WDR41: variants seen among roughly 807,000 people sequenced by gnomAD.
WDR41 encodes the protein WD repeat-containing protein 41.
Under a neutral mutation model 69.3 loss-of-function variants are expected in WDR41, and 63 were observed. That is an observed-to-expected ratio of 0.91 (90% CI 0.74 to 1.12). The LOEUF is 1.12. Ranked by LOEUF, WDR41 falls within the 50% of genes most tolerant of loss-of-function variation. The probability of loss-of-function intolerance (pLI) is 0.00; values close to 1 mark genes in which losing one functional copy is unlikely to be tolerated. For missense variants in WDR41, 543 were observed against 534.5 expected, an observed-to-expected ratio of 1.02 and a Z score of -0.16; for synonymous variants, 185 against 192.1, an observed-to-expected ratio of 0.96 and a Z score of 0.31.
In WDR41 at chr5:77,555,086, C is replaced by CAAA. The variant is rs112922794; in HGVS notation, c.42+65390_42+65392dup. On this transcript the variant is annotated intron_variant, in intron 1 of 5. Transcript: ENST00000509971. Reference sequence around the variant, plus strand: ...TGGGTGAGACAACAAGACCCTGTTTCAAAAAAAAAAAAAAATACAAGTATA... The same window carrying CAAA: ...TGGGTGAGACAACAAGACCCTGTTTCAAAAAAAAAAAAAAAAAATACAAGTATA... Among the ~76,000 whole-genome samples the CAAA allele has an allele frequency of 1.9e-3, 213 of 111,494 alleles. 3 individuals carry two copies. The highest frequency in any genetic ancestry group is 6.6e-3 in the African/African-American group (204 of 30,806). The allele number at this position is 111,494 out of a possible 152,430, so 73.1% of individuals were successfully genotyped here.
intron 1 of WDR41, among the ~76,000 whole-genome samples, chr5:77,558,094 T>TTAAAAAA (rs1554036365): frequency 9.6e-6 from 1 of 104,306 alleles, no homozygotes; most frequent in Non-Finnish European, 2.0e-5. Context: ...ATGTTCTTTT[T>TTAAAAAA]AAAAAAAAAA....
At chr5:77,485,754 G>A (rs1801490456) in intron 2 of WDR41, among the ~76,000 whole-genome samples, 1 of 151,952 alleles carries the variant, frequency 6.6e-6, no homozygotes, top group African/African-American at 2.4e-5. Flanking sequence ...TACTAAAGAA[G>A]AAAAGAAAAG....
intron 1 of WDR41, among the ~76,000 whole-genome samples, chr5:77,615,941 C>T (rs549909160): frequency 4.6e-5 from 7 of 151,728 alleles, no homozygotes; most frequent in South Asian, 2.1e-4. Context: ...TGCAGTGAGG[C>T]GAGATCACAC....
chr5:77,468,567 G>C (rs919543861), intron 2 of WDR41, among the ~76,000 whole-genome samples: 1 of 152,062 alleles, frequency 6.6e-6, no homozygotes, highest in African/African-American at 2.4e-5. Context: ...TCATTTAATA[G>C]TTCTTACTCA....
intron 5 of WDR41, among the ~76,000 whole-genome samples, chr5:77,455,824 A>G (rs1192245482): frequency 6.6e-6 from 1 of 152,192 alleles, no homozygotes; most frequent in Non-Finnish European, 1.5e-5. Flanking sequence ...CATTATGCCA[A>G]TATCACACTG....
At chr5:77,508,835 T>A (rs1802153159) in intron 1 of WDR41, among the ~76,000 whole-genome samples, 1 of 152,182 alleles carries the variant, frequency 6.6e-6, no homozygotes, top group Non-Finnish European at 1.5e-5. Context: ...CTCATCACAG[T>A]GTGCATCCTT....
chr5:77,588,811 A>G (rs1461673238), intron 1 of WDR41, among the ~76,000 whole-genome samples: 2 of 152,212 alleles, frequency 1.3e-5, no homozygotes, highest in African/African-American at 4.8e-5. Context: ...AATCTTTAAT[A>G]TTATTGTTGA....
intron 1 of WDR41, 131 bp downstream of exon 1, chr5:77,492,039 T>C: frequency 8.6e-7 from 1 of 1,163,930 alleles, no homozygotes. Context: ...GAACAGCGCG[T>C]GGCACGAGCT....
At chr5:77,501,930 C>G (rs1454877119) in intron 1 of WDR41, among the ~76,000 whole-genome samples, 1 of 152,186 alleles carries the variant, frequency 6.6e-6, no homozygotes, top group Non-Finnish European at 1.5e-5. Flanking sequence ...GAAATCAGAG[C>G]AGAAAAACTG....
intron 1 of WDR41, among the ~76,000 whole-genome samples, chr5:77,580,344 G>C (rs944855713): frequency 6.6e-6 from 1 of 152,086 alleles, no homozygotes; most frequent in African/African-American, 2.4e-5. Flanking sequence ...GAGAGAAAGG[G>C]AAAGCCCCTT....
Position 77,432,146 on chromosome 5 carries a change from T to C in WDR41, c.*989A>G, listed in dbSNP as rs1798747851. 1.3e-5 allele frequency: 2 copies of C among 152,248 alleles called. No individual in the cohort carries two copies. Among genetic ancestry groups the C allele is most frequent in the Non-Finnish European group, 1.5e-5 (1 of 68,032 alleles). The allele number at this position is 152,248 out of a possible 1,614,324, so 9.4% of individuals were successfully genotyped here. ...TATATTTGTATAATGAACAAATAAA[T>C]CTGTAGGTTTTCTGTAAGAAGGGTC... On this transcript the variant is annotated 3_prime_UTR_variant, in exon 13 of 13. Coordinates refer to ENST00000296679, the MANE Select transcript of WDR41 (RefSeq NM_018268.4).
rs150459957 is a variant in WDR41 at position 77,436,359 on chromosome 5, T to C, written c.1129A>G (p.Lys377Glu). ...FNMWGFGRVS[K>E]QASQPVKKQQ... Reference sequence around the variant, plus strand: ...TTTTTAACAGGTTGGCTGGCTTGTTTGCTGACTCTTCCAAATCCCCACATG... The same window carrying C: ...TTTTTAACAGGTTGGCTGGCTTGTTCGCTGACTCTTCCAAATCCCCACATG... The change falls in exon 12 of 13, where the codon AAA (lysine) becomes GAA (glutamate). Residue 377 changes from lysine to glutamate, a missense_variant. Physicochemically the swap from Lys to Glu is moderately conservative, Grantham distance 56. Transcript: ENST00000296679. 6.2e-7 allele frequency: 1 copy of C among 1,614,004 alleles called. No homozygotes were observed. The highest frequency in any genetic ancestry group is 1.3e-5 in the African/African-American group (1 of 74,944).
At chr5:77,614,602 C>T (rs1220302919) in intron 1 of WDR41, among the ~76,000 whole-genome samples, 1 of 135,260 alleles carries the variant, frequency 7.4e-6, no homozygotes, top group African/African-American at 2.8e-5. Flanking sequence ...ACAATGAGAA[C>T]ACATGGACAC....
intron 8 of WDR41, among the ~76,000 whole-genome samples, chr5:77,445,202 C>T (rs967325503): frequency 3.3e-5 from 5 of 152,178 alleles, no homozygotes; most frequent in East Asian, 1.9e-4. Context: ...TTCCTGGACA[C>T]ATACACCCTC....
At chr5:77,590,287 T>C (rs984271043) in intron 1 of WDR41, among the ~76,000 whole-genome samples, 2 of 152,208 alleles carry the variant, frequency 1.3e-5, no homozygotes, top group Non-Finnish European at 2.9e-5. Context: ...GCCTTACCAA[T>C]GTCTGCAGTG....
At chr5:77,481,784 C>CAAAAAA (rs61463461) in intron 2 of WDR41, among the ~76,000 whole-genome samples, 17 of 87,382 alleles carry the variant, frequency 1.9e-4, no homozygotes, top group African/African-American at 6.4e-4. Flanking sequence ...GACTCCGTCT[C>CAAAAAA]AAAAAAAAAA....
chr5:77,451,242 T>C, intron 7 of WDR41, 49 bp downstream of exon 7: 1 of 1,559,714 alleles, frequency 6.4e-7, no homozygotes, highest in Non-Finnish European at 8.8e-7. Context: ...CCAGCATGTG[T>C]ATACAATTCT....
Position 77,518,591 on chromosome 5 carries a change from T to A in WDR41, c.43-29019A>T, listed in dbSNP as rs958364272. On this transcript the variant is annotated intron_variant, in intron 1 of 5. Coordinates refer to the WDR41 transcript ENST00000509971. ...ATATAGCACAGATCAGAATCCACTT[T>A]AACAAGAAATTCCGCTTACTCCAAT... 2.0e-5 allele frequency among the ~76,000 whole-genome samples: 3 copies of A among 152,070 alleles called. No homozygotes were observed. In the South Asian group the frequency reaches 6.2e-4, roughly 31 times the overall value.
chr5:77,441,541 C>A (rs1180118397), intron 8 of WDR41, among the ~76,000 whole-genome samples: 1 of 152,036 alleles, frequency 6.6e-6, no homozygotes, highest in Non-Finnish European at 1.5e-5. Flanking sequence ...GAGTTCGAGA[C>A]CAGCCTGACC....
Sources: gnomAD v4.1 joint callset for allele counts (sites outside exome capture counted in the v4.1 genomes callset) on GRCh38, gnomAD v4.1.1 for gene constraint, MANE v1.5 for transcripts, NCBI Gene and HGNC (gene_info 2026-07-23, HGNC 2026-07-21) for gene names.